Variants in JAK1 observed in about 807,000 individuals in gnomAD.
JAK1 encodes tyrosine-protein kinase JAK1.
Under a neutral mutation model 136.6 loss-of-function variants are expected in JAK1, and 16 were observed. That is an observed-to-expected ratio of 0.12 (90% CI 0.08 to 0.18). The LOEUF is 0.18. JAK1 is among the 10% of genes least tolerant of loss of function. The pLI is 1.00. For missense variants in JAK1, 859 were observed against 1,450.1 expected, an observed-to-expected ratio of 0.59 and a Z score of 6.62; for synonymous variants, 492 against 519.5, an observed-to-expected ratio of 0.95 and a Z score of 0.72.
chr1:64,908,889 G>A (rs903824168), intron 1 of JAK1, among the ~76,000 whole-genome samples: 1 of 152,072 alleles, frequency 6.6e-6, no homozygotes, highest in Admixed American at 6.6e-5. Context: ...CCCAGGCCAG[G>A]TCCCAGGTCT....
upstream of JAK1, among the ~76,000 whole-genome samples, chr1:64,969,476 G>A (rs952763488): frequency 6.7e-6 from 1 of 149,060 alleles, no homozygotes; most frequent in Non-Finnish European, 1.5e-5. Flanking sequence ...GTTGCCAAAT[G>A]TCCCCTGGGG....
chr1:65,014,499 C>A (rs1211989481), intron 2 of JAK1, among the ~76,000 whole-genome samples: 1 of 151,894 alleles, frequency 6.6e-6, no homozygotes, highest in Non-Finnish European at 1.5e-5. Context: ...CACTCAAATT[C>A]ATCACAATAA....
At chr1:64,884,114 G>C (rs1433920792) in intron 2 of JAK1, among the ~76,000 whole-genome samples, 1 of 152,090 alleles carries the variant, frequency 6.6e-6, no homozygotes, top group South Asian at 2.1e-4. Flanking sequence ...CAGGAGGAGC[G>C]GCAGGACTTT....
At chr1:64,835,814 C>G (rs1014042795) in intron 23 of JAK1, among the ~76,000 whole-genome samples, 6 of 151,988 alleles carry the variant, frequency 3.9e-5, no homozygotes, top group Non-Finnish European at 5.9e-5. Context: ...CCAGTGCTAC[C>G]CCACTTAACT....
At chr1:64,851,682 C>T (rs997974927) in intron 11 of JAK1, among the ~76,000 whole-genome samples, 1 of 152,176 alleles carries the variant, frequency 6.6e-6, no homozygotes, top group Admixed American at 6.5e-5. Flanking sequence ...TCACCTTTCC[C>T]GCTATGGAGC....
In JAK1 at chr1:64,855,498, G is replaced by T. The variant is rs1655868672; in HGVS notation, c.1648+11C>A. 5 of 1,613,010 alleles carry T rather than the reference G, an allele frequency of 3.1e-6. No homozygotes were observed. The highest frequency in any genetic ancestry group is 4.2e-6 in the Non-Finnish European group (5 of 1,179,386). Reference sequence around the variant, plus strand: ...TGGGATACAGCCTGGCTCTGGCACAGGGAGACGAACCTCGGGGCTTGGGCT... The same window carrying T: ...TGGGATACAGCCTGGCTCTGGCACATGGAGACGAACCTCGGGGCTTGGGCT... On this transcript the variant is annotated intron_variant, in intron 11 of 24. Transcript: ENST00000342505.
At chr1:65,042,854 C>T (rs1025689460) in intron 2 of JAK1, among the ~76,000 whole-genome samples, 3 of 152,198 alleles carry the variant, frequency 2.0e-5, no homozygotes, top group African/African-American at 7.2e-5. Context: ...GCATGGGCAT[C>T]ACCTCCAAGG....
intron 1 of JAK1, among the ~76,000 whole-genome samples, chr1:64,903,671 G>A (rs574750061): frequency 1.3e-5 from 2 of 152,220 alleles, no homozygotes; most frequent in Admixed American, 6.5e-5. Context: ...ACTAAAATGG[G>A]AATAATACTA....
chr1:64,873,427 C>CT lies in JAK1; in HGVS notation c.425dup (p.Ile143AspfsTer9). 1 of 1,614,010 alleles carries CT rather than the reference C, an allele frequency of 6.2e-7. No homozygotes were observed. The highest frequency in any genetic ancestry group is 8.5e-7 in the Non-Finnish European group (1 of 1,179,950). On this transcript the variant is annotated frameshift_variant, in exon 5 of 25. Coordinates refer to ENST00000342505, the MANE Select transcript of JAK1 (RefSeq NM_002227.4). LOFTEE classifies it high-confidence loss of function. ...CAAGGAGAGGGGTTGCATCTGGAAT[C>CT]TTTTTTTTCTCGTAGCCATTTTTCT...
At chr1:64,918,365 T>A in intron 1 of JAK1, 1 of 152,236 alleles carries the variant, frequency 6.6e-6, no homozygotes, top group East Asian at 1.9e-4. Flanking sequence ...ATTACTTTAT[T>A]CTGAGATACT....
chr1:64,880,279 T>C lies in JAK1; in HGVS notation c.206-1131A>G, dbSNP rs3790544. ...CCTTCAGAAGTTATAGTCTTTCTTATAAACCGAGAATATGGAGTTAAACTG... is the reference window on the plus strand; with the variant it reads ...CCTTCAGAAGTTATAGTCTTTCTTACAAACCGAGAATATGGAGTTAAACTG... On this transcript the variant is annotated intron_variant, in intron 3 of 24. Coordinates refer to ENST00000342505, the MANE Select transcript of JAK1 (RefSeq NM_002227.4). Among the ~76,000 whole-genome samples, 263 of 152,350 alleles carry C rather than the reference T, an allele frequency of 1.7e-3. 10 individuals carry two copies. In the East Asian group the frequency reaches 0.047, roughly 27 times the overall value.
At chr1:64,953,847 G>A (rs1172011748) in intron 1 of JAK1, among the ~76,000 whole-genome samples, 3 of 151,700 alleles carry the variant, frequency 2.0e-5, no homozygotes, top group African/African-American at 7.3e-5. Context: ...TCTTTTTTTC[G>A]TATTTTTAGA....
chr1:64,955,228 G>A (rs1291088607), intron 1 of JAK1, among the ~76,000 whole-genome samples: 4 of 152,158 alleles, frequency 2.6e-5, no homozygotes, highest in South Asian at 2.1e-4. Flanking sequence ...CAAGGGCCTC[G>A]TGACTGCATA....
intron 2 of JAK1, among the ~76,000 whole-genome samples, chr1:65,024,589 G>A (rs909491252): frequency 6.7e-6 from 1 of 148,856 alleles, no homozygotes; most frequent in East Asian, 2.0e-4. Context: ...AAGCATTAAT[G>A]GAACTTGTTG....
At chr1:64,857,529 T>C in intron 10 of JAK1, 127 bp downstream of exon 10, 1 of 1,321,012 alleles carries the variant, frequency 7.6e-7, no homozygotes, top group Non-Finnish European at 1.0e-6. Context: ...CCAGGGATCT[T>C]CTCAGAGACC....
At position 65,026,145 on chromosome 1, in the gene JAK1, A is replaced by G. The variant is rs574883311; in HGVS notation, c.-78+18335T>C. 2.0e-5 allele frequency among the ~76,000 whole-genome samples: 3 copies of G among 152,266 alleles called. No homozygotes were observed. In the South Asian group the frequency reaches 6.2e-4, roughly 32 times the overall value. On this transcript the variant is annotated intron_variant, in intron 2 of 25. Coordinates refer to the JAK1 transcript ENST00000671954. ...GTCTACATGCCTTCCATGTGATCCC[A>G]CCCCAACGCTACTACCTATCCAGCC...
intron 2 of JAK1, chr1:65,002,320 A>C (rs771998053): frequency 9.9e-5 from 15 of 152,150 alleles, no homozygotes; most frequent in Non-Finnish European, 1.8e-4. Flanking sequence ...CACCCGTCCT[A>C]TGTGTTACCT....
chr1:64,905,275 G>A (rs1645172100), intron 1 of JAK1, among the ~76,000 whole-genome samples: 1 of 152,178 alleles, frequency 6.6e-6, no homozygotes, highest in South Asian at 2.1e-4. Context: ...AGCAGACTGA[G>A]ATGAAACAAG....
chr1:64,878,970 A>C, intron 4 of JAK1, 55 bp downstream of exon 4: 1 of 1,576,492 alleles, frequency 6.3e-7, no homozygotes, highest in Non-Finnish European at 8.7e-7. Flanking sequence ...CAGGCTGACC[A>C]CTGTCCCTCA....
Sources: allele counts gnomAD v4.1 joint callset (sites outside exome capture counted in the v4.1 genomes callset), GRCh38; gene constraint gnomAD v4.1.1; transcripts MANE v1.5; gene names NCBI Gene and HGNC (gene_info 2026-07-23, HGNC 2026-07-21).